Variants in FBXW7 observed in about 807,000 individuals in gnomAD.
FBXW7 encodes F-box and WD repeat domain containing 7.
In FBXW7, 11 loss-of-function variants were observed where a neutral mutation model predicts 86.3. The observed-to-expected ratio is 0.13, with a 90% CI of 0.08 to 0.21. The LOEUF is 0.21. Among genes scored for constraint, FBXW7 ranks in the 10% least tolerant of loss-of-function variants. The pLI is 1.00. For missense variants in FBXW7, 488 were observed against 847.4 expected, an observed-to-expected ratio of 0.58 and a Z score of 5.27; for synonymous variants, 313 against 297.9, an observed-to-expected ratio of 1.05 and a Z score of -0.52.
chr4:152,461,543 G>T (rs957855632), intron 2 of FBXW7, among the ~76,000 whole-genome samples: 15 of 152,128 alleles, frequency 9.9e-5, no homozygotes, highest in African/African-American at 3.6e-4. Context: ...TTTGAACATA[G>T]GACTCCTTAA....
intron 2 of FBXW7, among the ~76,000 whole-genome samples, chr4:152,428,366 G>A (rs1434218989): frequency 6.6e-6 from 1 of 152,120 alleles, no homozygotes; most frequent in Non-Finnish European, 1.5e-5. Flanking sequence ...CTTTTTCCTA[G>A]TCTAATTTTA....
chr4:152,380,785 CT>C (rs1734993718), intron 4 of FBXW7, among the ~76,000 whole-genome samples: 1 of 151,818 alleles, frequency 6.6e-6, no homozygotes, highest in African/African-American at 2.4e-5. Context: ...CATCTTAACC[CT>C]TTAATTTTAA....
At chr4:152,503,571 C>T (rs943724499) in intron 2 of FBXW7, among the ~76,000 whole-genome samples, 1 of 151,866 alleles carries the variant, frequency 6.6e-6, no homozygotes, top group Non-Finnish European at 1.5e-5. Flanking sequence ...CGTGCCCGGC[C>T]CCAATTAAAT....
chr4:152,483,434 T>C (rs1007724976), intron 2 of FBXW7, among the ~76,000 whole-genome samples: 3 of 150,394 alleles, frequency 2.0e-5, no homozygotes, highest in Non-Finnish European at 4.4e-5. Context: ...CTGGGCGTGG[T>C]GGCTAACACC....
At chr4:152,464,756 A>G (rs1743254250) in intron 2 of FBXW7, among the ~76,000 whole-genome samples, 1 of 152,242 alleles carries the variant, frequency 6.6e-6, no homozygotes, top group Non-Finnish European at 1.5e-5. Context: ...GGTATTCAAA[A>G]TAATAAAGTC....
At chr4:152,532,716 A>T (rs1053118534) in intron 2 of FBXW7, among the ~76,000 whole-genome samples, 2 of 152,204 alleles carry the variant, frequency 1.3e-5, no homozygotes, top group African/African-American at 4.8e-5. Context: ...CACATCTATA[A>T]GTTGACAATA....
chr4:152,489,980 T>C (rs1745685525), intron 2 of FBXW7, among the ~76,000 whole-genome samples: 1 of 152,148 alleles, frequency 6.6e-6, no homozygotes, highest in African/African-American at 2.4e-5. Context: ...TCATTTCTAT[T>C]AGGGAAGTAC....
intron 2 of FBXW7, among the ~76,000 whole-genome samples, chr4:152,466,002 A>G (rs1278000317): frequency 6.6e-6 from 1 of 152,172 alleles, no homozygotes; most frequent in Non-Finnish European, 1.5e-5. Context: ...GAAGTTGACA[A>G]AGAATACTGT....
chr4:152,468,821 T>C (rs1743686414), intron 2 of FBXW7, among the ~76,000 whole-genome samples: 1 of 152,086 alleles, frequency 6.6e-6, no homozygotes, highest in Non-Finnish European at 1.5e-5. Flanking sequence ...ACTGCTTCCC[T>C]CTAACTCAAA....
rs373497078 is a variant in FBXW7 at position 152,390,357 on chromosome 4, T to G, written c.501+20946A>C. On this transcript the variant is annotated intron_variant, in intron 4 of 13. Transcript: ENST00000281708. ...TTTCAGAAATGCCCAGTATGAAGTC[T>G]TCAATGACTTAACATAACCTGTCTC... Among the ~76,000 whole-genome samples the G allele has an allele frequency of 9.2e-5, 14 of 152,222 alleles. No individual in the cohort carries two copies. The East Asian group carries it at 2.5e-3, about 27-fold the overall frequency.
At chr4:152,395,435 T>G (rs1353296664) in intron 4 of FBXW7, among the ~76,000 whole-genome samples, 1 of 152,074 alleles carries the variant, frequency 6.6e-6, no homozygotes, top group Non-Finnish European at 1.5e-5. Flanking sequence ...ACTCCAGTAT[T>G]GTCCCTGGTT....
chr4:152,528,238 C>T (rs773950165), intron 2 of FBXW7, among the ~76,000 whole-genome samples: 11 of 152,122 alleles, frequency 7.2e-5, no homozygotes, highest in Non-Finnish European at 1.5e-4. Context: ...TTTCCAGTAG[C>T]TATCTTCCAG....
intron 2 of FBXW7, among the ~76,000 whole-genome samples, chr4:152,468,283 T>C (rs756196900): frequency 2.0e-5 from 3 of 151,654 alleles, no homozygotes; most frequent in African/African-American, 7.3e-5. Context: ...CCCATCCATA[T>C]ATACTCAAAA....
At chr4:152,329,363 A>C (rs2126522613) in intron 10 of FBXW7, among the ~76,000 whole-genome samples, 1 of 152,060 alleles carries the variant, frequency 6.6e-6, no homozygotes, top group South Asian at 2.1e-4. Context: ...GATAGTAAAT[A>C]AAAGTGGGGA....
chr4:152,344,268 T>C (rs1000159863), intron 6 of FBXW7, among the ~76,000 whole-genome samples: 1 of 152,176 alleles, frequency 6.6e-6, no homozygotes, highest in Non-Finnish European at 1.5e-5. Flanking sequence ...TAAAGGGCAG[T>C]GTACAACAAT....
At chr4:152,359,531 G>A (rs574298817) in intron 4 of FBXW7, among the ~76,000 whole-genome samples, 1 of 152,228 alleles carries the variant, frequency 6.6e-6, no homozygotes, top group East Asian at 1.9e-4. Context: ...TGAGGTTGCA[G>A]TTAGCTATGA....
At chr4:152,445,848 T>G (rs942623461) in intron 2 of FBXW7, among the ~76,000 whole-genome samples, 7 of 145,974 alleles carry the variant, frequency 4.8e-5, no homozygotes, top group African/African-American at 1.5e-4. Flanking sequence ...AGGCAGAGGT[T>G]GCAGTGAGCC....
rs1202790380 is a variant in FBXW7, at chr4:152,528,764, G to C, written c.-120+6177C>G. On this transcript the variant is annotated intron_variant, in intron 2 of 13. Coordinates refer to ENST00000281708, the MANE Select transcript of FBXW7 (RefSeq NM_001349798.2). ...GAAAGGTATCATGAGGAAGTACCAA[G>C]GAGGTATCATCAGAAAGCAGCAAAA... Among the ~76,000 whole-genome samples the C allele has an allele frequency of 2.0e-5, 3 of 152,286 alleles. No individual in the cohort carries two copies. In the East Asian group the frequency reaches 5.8e-4, roughly 29 times the overall value.
intron 4 of FBXW7, among the ~76,000 whole-genome samples, chr4:152,406,745 A>G (rs1421833585): frequency 6.6e-6 from 1 of 152,160 alleles, no homozygotes; most frequent in Non-Finnish European, 1.5e-5. Context: ...ATTTATGTCT[A>G]TTTTTATTGA....
Sources: allele counts gnomAD v4.1 joint callset (sites outside exome capture counted in the v4.1 genomes callset), GRCh38; gene constraint gnomAD v4.1.1; transcripts MANE v1.5; gene names NCBI Gene and HGNC (gene_info 2026-07-23, HGNC 2026-07-21).